CHST11: variants seen among roughly 807,000 people sequenced by gnomAD.
CHST11 encodes the protein C4S-1.
Under a neutral mutation model 30.4 loss-of-function variants are expected in CHST11, and 9 were observed. The ratio of observed to expected loss-of-function variants is 0.30; its 90% CI spans 0.18 to 0.52. The LOEUF is 0.52. Ranked by LOEUF, CHST11 falls within the 20% of genes least tolerant of loss-of-function variation. CHST11 has a pLI of 0.97. For synonymous variants in CHST11, 152 were observed against 187.8 expected (o/e 0.81, Z 1.56); for missense variants, 348 against 460.6 (o/e 0.76, Z 2.24).
intron 2 of CHST11, among the ~76,000 whole-genome samples, chr12:104,644,138 A>C (rs1030773137): frequency 4.6e-5 from 7 of 151,954 alleles, no homozygotes; most frequent in African/African-American, 1.7e-4. Flanking sequence ...CTTCCTCCTC[A>C]CTGTGCTTAT....
At position 104,583,940 on chromosome 12, in the gene CHST11, C is replaced by T. The variant is rs527470306; in HGVS notation, c.119-17966C>T. Among the ~76,000 whole-genome samples, 169 of 152,238 alleles carry T rather than the reference C, an allele frequency of 1.1e-3. 2 individuals are homozygous for T. Among genetic ancestry groups the T allele is most frequent in the African/African-American group, 3.8e-3 (159 of 41,552 alleles). ...GTTAACCGGGCTGGTCCCAAACTCC[C>T]GACCTCAAGTGATCCGCCCTCCTCG... On this transcript the variant is annotated intron_variant, in intron 1 of 2. Coordinates refer to ENST00000303694, the MANE Select transcript of CHST11 (RefSeq NM_018413.6).
intron 1 of CHST11, among the ~76,000 whole-genome samples, chr12:104,569,274 A>G (rs2038599599): frequency 6.6e-6 from 1 of 152,208 alleles, no homozygotes; most frequent in Non-Finnish European, 1.5e-5. Context: ...TCCTGGAGTT[A>G]CCGTCTTAGT....
chr12:104,552,945 C>G (rs1365327011), intron 1 of CHST11: 3 of 152,164 alleles, frequency 2.0e-5, no homozygotes, highest in African/African-American at 7.2e-5. Context: ...CTCCAAGGGT[C>G]CCACTGACTA....
chr12:104,522,631 A>AT (rs956342073), intron 1 of CHST11, among the ~76,000 whole-genome samples: 11 of 151,242 alleles, frequency 7.3e-5, no homozygotes, highest in South Asian at 2.1e-4. Context: ...TTATTTTTCT[A>AT]TTTTTTTTCA....
chr12:104,757,457 A>G lies in CHST11; in HGVS notation c.713A>G (p.Glu238Gly), dbSNP rs1459696154. 6.2e-7 allele frequency: 1 copy of G among 1,614,032 alleles called. No individual in the cohort carries two copies. The highest frequency in any genetic ancestry group is 2.2e-5 in the East Asian group (1 of 44,876). The change falls in exon 3 of 3, where the codon GAG (glutamate) becomes GGG (glycine). Residue 238 changes from glutamate (E) to glycine (G), a missense_variant. Physicochemically the swap from Glu to Gly is moderately conservative, Grantham distance 98. This residue lies in a region of CHST11 where 210 missense variants were observed against 287.2 expected (regional missense o/e 0.73). Coordinates refer to ENST00000303694, the MANE Select transcript of CHST11 (RefSeq NM_018413.6). The surrounding 1 kb of genome is among the most constrained non-coding windows in gnomAD (Gnocchi z 6.5). ...ALRKGDDVKF[E>G]EFVAYLIDPH... ...CGCAAAGGGGACGATGTCAAATTCGAGGAGTTTGTGGCCTATCTCATCGAC... is the reference window on the plus strand; with the variant it reads ...CGCAAAGGGGACGATGTCAAATTCGGGGAGTTTGTGGCCTATCTCATCGAC...
At chr12:104,460,801 C>T (rs1211895766) in intron 1 of CHST11, among the ~76,000 whole-genome samples, 1 of 152,148 alleles carries the variant, frequency 6.6e-6, no homozygotes, top group Non-Finnish European at 1.5e-5. Flanking sequence ...AATTGGTCAT[C>T]AGTTGCACAA....
chr12:104,596,011 C>G (rs180787554), intron 1 of CHST11, among the ~76,000 whole-genome samples: 2 of 152,320 alleles, frequency 1.3e-5, no homozygotes, highest in East Asian at 3.9e-4. Flanking sequence ...ACTCTAGTTT[C>G]ATCACAGTGA....
intron 1 of CHST11, among the ~76,000 whole-genome samples, chr12:104,581,040 G>T (rs149098923): frequency 1.3e-5 from 2 of 152,322 alleles, no homozygotes; most frequent in East Asian, 3.9e-4. Flanking sequence ...GCCTTTTCTG[G>T]TGTTTTTCTG....
chr12:104,755,278 C>T (rs2040465315), intron 2 of CHST11, among the ~76,000 whole-genome samples: 1 of 152,180 alleles, frequency 6.6e-6, no homozygotes, highest in African/African-American at 2.4e-5. Flanking sequence ...GCTGCATTCT[C>T]AGGACTCAAA....
At chr12:104,655,459 A>G (rs1024719884) in intron 2 of CHST11, among the ~76,000 whole-genome samples, 3 of 152,158 alleles carry the variant, frequency 2.0e-5, no homozygotes, top group African/African-American at 7.2e-5. Flanking sequence ...GGGGTTTCTC[A>G]GCAAAGGTTT....
At chr12:104,469,355 C>G (rs1327666955) in intron 1 of CHST11, among the ~76,000 whole-genome samples, 5 of 152,228 alleles carry the variant, frequency 3.3e-5, no homozygotes, top group Admixed American at 2.0e-4. Context: ...GTGACCGCAG[C>G]ATTTCCTCCC....
intron 2 of CHST11, among the ~76,000 whole-genome samples, chr12:104,716,430 T>C (rs996854789): frequency 2.6e-5 from 4 of 152,354 alleles, no homozygotes; most frequent in Admixed American, 2.6e-4. Flanking sequence ...TAATGTTCCT[T>C]TCCTCATGAG....
chr12:104,488,765 G>A (rs933592805), intron 1 of CHST11, among the ~76,000 whole-genome samples: 2 of 150,354 alleles, frequency 1.3e-5, no homozygotes, highest in Non-Finnish European at 3.0e-5. Context: ...GTGTGTGTGT[G>A]TGTGTGTCTA....
intron 1 of CHST11, among the ~76,000 whole-genome samples, chr12:104,467,875 A>G (rs1292013994): frequency 3.9e-5 from 6 of 152,330 alleles, no homozygotes; most frequent in Non-Finnish European, 5.9e-5. Context: ...AAGGTCACTC[A>G]TTATAGTGAA....
chr12:104,735,631 C>T (rs1349000883), intron 2 of CHST11, among the ~76,000 whole-genome samples: 1 of 152,166 alleles, frequency 6.6e-6, no homozygotes, highest in African/African-American at 2.4e-5. Context: ...GGGCAGGGGA[C>T]TTGCTCCTGG....
intron 2 of CHST11, among the ~76,000 whole-genome samples, chr12:104,739,879 A>G (rs2040333016): frequency 6.6e-6 from 1 of 152,188 alleles, no homozygotes; most frequent in African/African-American, 2.4e-5. Flanking sequence ...TTACATCCAG[A>G]TTGGTCTGCC....
chr12:104,494,932 G>A (rs919643499), intron 1 of CHST11, among the ~76,000 whole-genome samples: 3 of 151,986 alleles, frequency 2.0e-5, no homozygotes, highest in Non-Finnish European at 2.9e-5. Context: ...TTTGTTTTGC[G>A]AAACTGACAT....
At chr12:104,732,189 C>T (rs745543920) in intron 2 of CHST11, among the ~76,000 whole-genome samples, 1 of 152,234 alleles carries the variant, frequency 6.6e-6, no homozygotes, top group Non-Finnish European at 1.5e-5. Flanking sequence ...GGCTGGGCCC[C>T]CTGGGGTTCG....
intron 1 of CHST11, among the ~76,000 whole-genome samples, chr12:104,575,527 G>T (rs1407369413): frequency 2.6e-5 from 4 of 152,172 alleles, no homozygotes; most frequent in Admixed American, 6.5e-5. Flanking sequence ...GGTGAAGGGG[G>T]TCTTAACTTA....
Sources: allele counts gnomAD v4.1 joint callset (sites outside exome capture counted in the v4.1 genomes callset), GRCh38; gene constraint gnomAD v4.1.1; regional missense constraint gnomAD v4.1.1; non-coding constraint Gnocchi (gnomAD v3.1); transcripts MANE v1.5; gene names NCBI Gene and HGNC (gene_info 2026-07-23, HGNC 2026-07-21).